RPTOR: variants seen among roughly 807,000 people sequenced by gnomAD.
RPTOR encodes the protein regulatory associated protein of MTOR complex 1, also known as regulatory-associated protein of mTOR.
In RPTOR, 21 loss-of-function variants were observed where a neutral mutation model predicts 169.9. The observed-to-expected ratio is 0.12, with a 90% CI of 0.09 to 0.18. The LOEUF is 0.18. Ranked by LOEUF, RPTOR falls within the 10% of genes least tolerant of loss-of-function variation. The pLI is 1.00. For missense variants in RPTOR, 1,133 were observed against 1,855.9 expected, an observed-to-expected ratio of 0.61 and a Z score of 7.16; for synonymous variants, 732 against 753.2, an observed-to-expected ratio of 0.97 and a Z score of 0.46.
At chr17:80,837,470 T>C (rs899307334) in intron 9 of RPTOR, among the ~76,000 whole-genome samples, 8 of 152,328 alleles carry the variant, frequency 5.3e-5, no homozygotes, top group African/African-American at 1.9e-4. Flanking sequence ...TGAGGCACTT[T>C]GGGCCTGGCC....
At chr17:80,964,046 C>T (rs960637770) in intron 33 of RPTOR, among the ~76,000 whole-genome samples, 14 of 152,182 alleles carry the variant, frequency 9.2e-5, no homozygotes, top group Admixed American at 2.6e-4. Flanking sequence ...CACGCAGGGC[C>T]CGGGGCAGCG....
chr17:80,919,088 G>A (rs927272159), intron 21 of RPTOR, among the ~76,000 whole-genome samples: 5 of 152,304 alleles, frequency 3.3e-5, no homozygotes, highest in Middle Eastern at 3.4e-3. Flanking sequence ...AGGGCACCGT[G>A]GCCCCAAGTG....
intron 23 of RPTOR, 26 bp downstream of exon 23, chr17:80,923,699 T>C: frequency 6.4e-7 from 1 of 1,550,814 alleles, no homozygotes; most frequent in Non-Finnish European, 8.7e-7. Flanking sequence ...TGCCTGGTGA[T>C]CTGGACACTG....
intron 3 of RPTOR, among the ~76,000 whole-genome samples, chr17:80,690,620 C>T (rs917795995): frequency 1.1e-4 from 17 of 152,066 alleles, no homozygotes; most frequent in African/African-American, 4.1e-4. Flanking sequence ...TGGATTTCCT[C>T]TCGGTGGTGG....
intron 5 of RPTOR, among the ~76,000 whole-genome samples, chr17:80,753,539 A>G (rs564475334): frequency 6.8e-6 from 1 of 147,736 alleles, no homozygotes; most frequent in South Asian, 2.2e-4. Context: ...AGGCTGAGGC[A>G]GGAGAATGGC....
At chr17:80,668,425 G>C (rs2065797051) in intron 3 of RPTOR, among the ~76,000 whole-genome samples, 1 of 152,194 alleles carries the variant, frequency 6.6e-6, no homozygotes, top group South Asian at 2.1e-4. Flanking sequence ...GCCTTTGATA[G>C]GTGGCCGCAG....
chr17:80,880,349 A>G (rs551780978), intron 13 of RPTOR, 66 bp from the exon 14 acceptor site: 86 of 1,347,338 alleles, frequency 6.4e-5, no homozygotes, highest in Middle Eastern at 1.8e-4. Flanking sequence ...TTCACGCACC[A>G]TGAGAAGCTT....
intron 7 of RPTOR, among the ~76,000 whole-genome samples, chr17:80,814,524 A>T (rs2067304710): frequency 6.6e-6 from 1 of 152,124 alleles, no homozygotes; most frequent in Non-Finnish European, 1.5e-5. Flanking sequence ...TCATCATTTG[A>T]GTACTTTTAG....
Position 80,891,781 on chromosome 17 carries a change from C to G in RPTOR, c.2045C>G (p.Ala682Gly). ...TATGAAAGCAATTTCTGCACCGTGG[C>G]CCTGCAGTTCATAGAAGAGGAAAAG... The part of the protein sequence containing the change: ...VQYESNFCTV[A>G]LQFIEEEKNY... The change falls in exon 18 of 34, where the codon GCC becomes GGC. Residue 682 changes from alanine (A) to glycine (G), a missense_variant. By Grantham distance (60) the Ala-to-Gly change is moderately conservative (BLOSUM62 0). Around this residue, in one of 9 missense-constraint regions of RPTOR, gnomAD observed 150 missense variants for 206.4 expected, o/e 0.73. Transcript: ENST00000306801. 6.2e-7 allele frequency: 1 copy of G among 1,614,110 alleles called. No individual in the cohort carries two copies. Among genetic ancestry groups the G allele is most frequent in the Non-Finnish European group, 8.5e-7 (1 of 1,179,990 alleles).
intron 4 of RPTOR, among the ~76,000 whole-genome samples, chr17:80,725,678 T>C (rs2143179008): frequency 1.3e-5 from 2 of 152,296 alleles, no homozygotes; most frequent in South Asian, 4.1e-4. Context: ...GCAGGGGCCA[T>C]AATTCTGGCC....
At chr17:80,773,332 C>T (rs1483368026) in intron 6 of RPTOR, among the ~76,000 whole-genome samples, 2 of 152,242 alleles carry the variant, frequency 1.3e-5, no homozygotes, top group Admixed American at 6.5e-5. Context: ...GTTGCAGCTA[C>T]ATCACACTCT....
intron 21 of RPTOR, among the ~76,000 whole-genome samples, chr17:80,920,361 G>T (rs1293189982): frequency 6.6e-6 from 1 of 152,168 alleles, no homozygotes; most frequent in Non-Finnish European, 1.5e-5. Flanking sequence ...ACACTAATGG[G>T]GGTGGGGGGG....
chr17:80,942,835 A>G (rs912070259), intron 25 of RPTOR, among the ~76,000 whole-genome samples: 1 of 152,110 alleles, frequency 6.6e-6, no homozygotes, highest in Non-Finnish European at 1.5e-5. Context: ...TCACGCACTG[A>G]TTTTCAAACG....
intron 7 of RPTOR, among the ~76,000 whole-genome samples, chr17:80,807,838 T>C (rs1017177677): frequency 8.5e-5 from 13 of 152,188 alleles, no homozygotes; most frequent in Admixed American, 2.0e-4. Flanking sequence ...TTGCAGGCCA[T>C]GTAAGGTCTC....
chr17:80,791,668 T>C (rs1488011791), intron 7 of RPTOR, among the ~76,000 whole-genome samples, 159 bp downstream of exon 7: 1 of 152,200 alleles, frequency 6.6e-6, no homozygotes, highest in Admixed American at 6.5e-5. Context: ...GTGTTTGTGA[T>C]TGTCACACTG....
At chr17:80,912,799 C>T (rs141284554) in intron 21 of RPTOR, among the ~76,000 whole-genome samples, 22 of 152,276 alleles carry the variant, frequency 1.4e-4, no homozygotes, top group African/African-American at 5.1e-4. Context: ...TCGTGCTATC[C>T]GATTGAGACC....
chr17:80,636,649 G>A (rs1190244532), intron 2 of RPTOR, among the ~76,000 whole-genome samples: 2 of 152,050 alleles, frequency 1.3e-5, no homozygotes, highest in East Asian at 1.9e-4. Flanking sequence ...GTTCCAACAC[G>A]TACATTTTTG....
At chr17:80,589,618 T>G (rs2065089088) in intron 1 of RPTOR, among the ~76,000 whole-genome samples, 1 of 152,238 alleles carries the variant, frequency 6.6e-6, no homozygotes, top group Non-Finnish European at 1.5e-5. Context: ...TCACATCTTT[T>G]GTTAGATTTA....
chr17:80,700,171 C>G (rs1001947282), intron 3 of RPTOR, among the ~76,000 whole-genome samples: 4 of 152,094 alleles, frequency 2.6e-5, no homozygotes, highest in African/African-American at 9.7e-5. Flanking sequence ...AGTGTAGACT[C>G]TCAGAGATTA....
Sources: allele counts gnomAD v4.1 joint callset (sites outside exome capture counted in the v4.1 genomes callset), GRCh38; gene constraint gnomAD v4.1.1; regional missense constraint gnomAD v4.1.1; transcripts MANE v1.5; gene names NCBI Gene and HGNC (gene_info 2026-07-23, HGNC 2026-07-21).